ATP6V1E1: variants seen among roughly 807,000 people sequenced by gnomAD.
ATP6V1E1 encodes ATPase H+ transporting V1 subunit E1.
Under a neutral mutation model 35.2 loss-of-function variants are expected in ATP6V1E1, and 21 were observed. That is an observed-to-expected ratio of 0.60 (90% confidence interval 0.42 to 0.86). The LOEUF is 0.86. ATP6V1E1 is among the 40% of genes least tolerant of loss of function. The pLI is 0.00. For synonymous variants in ATP6V1E1, 83 were observed against 87.8 expected, an observed-to-expected ratio of 0.95 and a Z score of 0.30; for missense variants, 183 against 272.6, an observed-to-expected ratio of 0.67 and a Z score of 2.32.
chr22:17,594,590 C>T lies in ATP6V1E1; in HGVS notation c.557G>A (p.Gly186Glu). 1 of 1,591,736 alleles carries T rather than the reference C, an allele frequency of 6.3e-7. No homozygotes were observed. Among genetic ancestry groups the T allele is most frequent in the South Asian group, 1.2e-5 (1 of 86,728 alleles). The change falls in exon 8 of 9, where the codon GGA (glycine) becomes GAA (glutamate). Residue 186 changes from glycine (G) to glutamate (E), a missense_variant. Gly to Glu is a moderately conservative substitution (Grantham distance 98). Coordinates refer to ENST00000253413, the MANE Select transcript of ATP6V1E1 (RefSeq NM_001696.4). ...GTTGGAAACCTTTATTTTACGATCT[C>T]CATTATAGATCTCAACTCCACCAGC... ...DIAGGVEIYN[G>E]DRKIKVSNTL...
chr22:17,621,846 T>C (rs2057879269), intron 1 of ATP6V1E1, among the ~76,000 whole-genome samples: 1 of 152,192 alleles, frequency 6.6e-6, no homozygotes, highest in Admixed American at 6.6e-5. Flanking sequence ...TTGTACTTCC[T>C]CTATCACGGC....
At chr22:17,619,610 G>A in intron 1 of ATP6V1E1, 84 bp from the exon 2 acceptor site, 1 of 1,214,176 alleles carries the variant, frequency 8.2e-7, no homozygotes, top group Non-Finnish European at 1.2e-6. Flanking sequence ...TCATAGGTAG[G>A]TGCAGTGGCT....
At chr22:17,610,920 T>A (rs1272966213) in intron 4 of ATP6V1E1, among the ~76,000 whole-genome samples, 5 of 152,218 alleles carry the variant, frequency 3.3e-5, no homozygotes, top group Admixed American at 3.3e-4. Context: ...AGGACTTAAA[T>A]GTGTTCTCTC....
intron 2 of ATP6V1E1, among the ~76,000 whole-genome samples, chr22:17,614,775 T>A (rs2057834201): frequency 1.3e-5 from 2 of 151,390 alleles, no homozygotes; most frequent in South Asian, 4.2e-4. Context: ...GAGACCATCC[T>A]GGCTAACATG....
intron 2 of ATP6V1E1, among the ~76,000 whole-genome samples, chr22:17,614,538 G>A (rs996217895): frequency 1.3e-5 from 2 of 151,440 alleles, no homozygotes; most frequent in African/African-American, 2.4e-5. Context: ...GCGCATGGTG[G>A]GCACATGCCT....
intron 2 of ATP6V1E1, among the ~76,000 whole-genome samples, chr22:17,616,000 C>G (rs2057842168): frequency 6.6e-6 from 1 of 151,476 alleles, no homozygotes; most frequent in African/African-American, 2.4e-5. Context: ...CCATTGCACT[C>G]CAGCCCGGGC....
intron 4 of ATP6V1E1, among the ~76,000 whole-genome samples, chr22:17,609,354 G>A (rs1329285118): frequency 6.6e-6 from 1 of 150,846 alleles, no homozygotes; most frequent in Non-Finnish European, 1.5e-5. Context: ...GTAGAGACAG[G>A]GCACCACATT....
intron 2 of ATP6V1E1, among the ~76,000 whole-genome samples, chr22:17,615,715 T>C (rs1036390607): frequency 2.0e-5 from 3 of 151,884 alleles, no homozygotes; most frequent in Admixed American, 6.6e-5. Flanking sequence ...CTGGCCAACA[T>C]GGTGAAACCC....
intron 4 of ATP6V1E1, 135 bp downstream of exon 4, chr22:17,612,677 T>G: frequency 1.3e-6 from 1 of 794,906 alleles, no homozygotes; most frequent in South Asian, 2.1e-5. Context: ...ACTTTTGTAT[T>G]TATTATAATA....
chr22:17,620,593 C>T (rs1047843238), intron 1 of ATP6V1E1, among the ~76,000 whole-genome samples: 3 of 152,046 alleles, frequency 2.0e-5, no homozygotes, highest in African/African-American at 7.2e-5. Context: ...TTTTGAACAT[C>T]CTACTCATAG....
chr22:17,622,318 T>G (rs1043927871), intron 1 of ATP6V1E1, among the ~76,000 whole-genome samples: 13 of 152,252 alleles, frequency 8.5e-5, no homozygotes, highest in Admixed American at 6.5e-4. Context: ...TCAAAAAAAT[T>G]TGTGAATGAA....
chr22:17,606,861 T>A (rs997726416), intron 4 of ATP6V1E1, among the ~76,000 whole-genome samples: 1 of 152,234 alleles, frequency 6.6e-6, no homozygotes, highest in African/African-American at 2.4e-5. Context: ...GAACACTGTA[T>A]TAGAGACCAT....
intron 4 of ATP6V1E1, among the ~76,000 whole-genome samples, chr22:17,607,615 C>T (rs772642267): frequency 7.8e-4 from 119 of 152,080 alleles, no homozygotes; most frequent in Non-Finnish European, 1.3e-3. Context: ...TTCTACTTCT[C>T]GACCTGGAAG....
chr22:17,618,467 G>C (rs2057857571), intron 2 of ATP6V1E1, among the ~76,000 whole-genome samples: 1 of 151,994 alleles, frequency 6.6e-6, no homozygotes, highest in Non-Finnish European at 1.5e-5. Flanking sequence ...CAGATCACGA[G>C]GTCAGGAGAT....
chr22:17,626,866 A>G (rs531236357), intron 1 of ATP6V1E1, among the ~76,000 whole-genome samples: 31 of 151,568 alleles, frequency 2.0e-4, no homozygotes, highest in African/African-American at 7.0e-4. Flanking sequence ...TTTTTTAGAG[A>G]TAAGGTCTAT....
intron 6 of ATP6V1E1, 60 bp downstream of exon 6, chr22:17,599,967 G>A: frequency 1.0e-5 from 12 of 1,189,774 alleles, no homozygotes; most frequent in Non-Finnish European, 1.3e-5. Flanking sequence ...GAAAGAGAGA[G>A]GGGAAGGAAG....
intron 4 of ATP6V1E1, among the ~76,000 whole-genome samples, chr22:17,601,617 T>C (rs910000075): frequency 2.0e-5 from 3 of 152,214 alleles, no homozygotes; most frequent in African/African-American, 7.2e-5. Context: ...TTTTGTTTGT[T>C]TGTTTTTGAG....
chr22:17,603,158 C>T (rs1010591713), intron 4 of ATP6V1E1, among the ~76,000 whole-genome samples: 3 of 152,020 alleles, frequency 2.0e-5, no homozygotes, highest in East Asian at 1.9e-4. Context: ...CCATGTTGGC[C>T]GGGCTGGTCT....
chr22:17,628,203 T>G (rs905247861), intron 1 of ATP6V1E1, among the ~76,000 whole-genome samples: 3 of 152,100 alleles, frequency 2.0e-5, no homozygotes, highest in African/African-American at 7.2e-5. Flanking sequence ...TGACCTCAGG[T>G]GATCCGGCCG....
Sources: gnomAD v4.1 joint callset for allele counts (sites outside exome capture counted in the v4.1 genomes callset) on GRCh38, gnomAD v4.1.1 for gene constraint, MANE v1.5 for transcripts, NCBI Gene and HGNC (gene_info 2026-07-23, HGNC 2026-07-21) for gene names.